Variants in AIG1 observed in about 807,000 individuals in gnomAD.
AIG1 encodes androgen induced 1, also known as androgen-induced gene 1 protein.
A neutral mutation model predicts 31.4 loss-of-function variants in AIG1; 23 were observed. The ratio of observed to expected loss-of-function variants is 0.73; its 90% CI spans 0.53 to 1.04. AIG1 has a LOEUF of 1.04. Among genes scored for constraint, AIG1 ranks in the 50% least tolerant of loss-of-function variants. AIG1 has a pLI of 0.00. For missense variants in AIG1, 274 were observed against 295.0 expected, an observed-to-expected ratio of 0.93 and a Z score of 0.52; for synonymous variants, 100 against 110.5, an observed-to-expected ratio of 0.90 and a Z score of 0.60.
intron 1 of AIG1, among the ~76,000 whole-genome samples, chr6:143,087,687 G>A (rs1161867017): frequency 6.6e-6 from 1 of 152,228 alleles, no homozygotes; most frequent in Non-Finnish European, 1.5e-5. Flanking sequence ...CATACAATGG[G>A]AGGGGACCCA....
At chr6:143,085,584 AAAC>A (rs1778693270) in intron 1 of AIG1, among the ~76,000 whole-genome samples, 1 of 152,188 alleles carries the variant, frequency 6.6e-6, no homozygotes, top group Non-Finnish European at 1.5e-5. Context: ...GCATTCCCAT[AAAC>A]AACAGTCCTT....
chr6:143,066,008 A>G lies in AIG1; in HGVS notation c.141+4942A>G, dbSNP rs181406892. Among the ~76,000 whole-genome samples the G allele has an allele frequency of 1.8e-3, 280 of 152,286 alleles. 7 individuals are homozygous for G. The highest frequency in any genetic ancestry group is 5.7e-4 in the Non-Finnish European group (39 of 68,020). ...CCTAGACTGGCTTTTCATTCATGTC[A>G]TGGCAGAATATTGTTCAGGCCCTGC... On this transcript the variant is annotated intron_variant, in intron 1 of 5. Coordinates refer to ENST00000357847, the MANE Select transcript of AIG1 (RefSeq NM_016108.4).
At chr6:143,301,583 C>G (rs935710005) in intron 4 of AIG1, among the ~76,000 whole-genome samples, 22 of 152,314 alleles carry the variant, frequency 1.4e-4, no homozygotes, top group Admixed American at 8.5e-4. Flanking sequence ...GAAGGGGAAG[C>G]AAATACGTCC....
intron 3 of AIG1, among the ~76,000 whole-genome samples, chr6:143,245,577 A>T (rs1368011704): frequency 6.6e-6 from 1 of 152,248 alleles, no homozygotes. Flanking sequence ...AGTCATACAG[A>T]ATGATAATTG....
intron 1 of AIG1, among the ~76,000 whole-genome samples, chr6:143,063,247 C>T (rs571451170): frequency 1.3e-5 from 2 of 152,160 alleles, no homozygotes; most frequent in Non-Finnish European, 2.9e-5. Context: ...AATCACCATA[C>T]AGGACTTTTT....
intron 3 of AIG1, among the ~76,000 whole-genome samples, chr6:143,218,912 G>A (rs1277076442): frequency 1.3e-5 from 2 of 152,142 alleles, no homozygotes; most frequent in African/African-American, 4.8e-5. Flanking sequence ...TTCAGAAATT[G>A]TTGCTTTAAT....
At chr6:143,234,618 A>G (rs1297551285) in intron 3 of AIG1, among the ~76,000 whole-genome samples, 12 of 152,126 alleles carry the variant, frequency 7.9e-5, no homozygotes, top group African/African-American at 2.7e-4. Flanking sequence ...AAAAGTACCC[A>G]TCCATCCAGT....
chr6:143,088,598 A>G (rs1779016909), intron 1 of AIG1, among the ~76,000 whole-genome samples: 2 of 152,216 alleles, frequency 1.3e-5, no homozygotes, highest in Non-Finnish European at 2.9e-5. Context: ...TTTGGTGCTC[A>G]TCCAGTGTGC....
intron 2 of AIG1, among the ~76,000 whole-genome samples, chr6:143,163,129 C>T (rs1786567863): frequency 6.6e-6 from 1 of 152,158 alleles, no homozygotes; most frequent in African/African-American, 2.4e-5. Context: ...CTTTGAATAG[C>T]AAGGCTGGAA....
Position 143,339,923 on chromosome 6 carries a change from C to G in AIG1, c.*247C>G. On this transcript the variant is annotated 3_prime_UTR_variant, in exon 6 of 6. Transcript: ENST00000357847. ...TCATTACTGATAATAACATTTTTTC[C>G]TTTTCTAGTTTTAAAACCAGAATTG... is the stretch of plus-strand genomic sequence containing the variant. 2.9e-6 allele frequency: 1 copy of G among 342,182 alleles called. No individual in the cohort carries two copies. The highest frequency in any genetic ancestry group is 5.2e-6 in the Non-Finnish European group (1 of 192,522). The allele number at this position is 342,182 out of a possible 1,614,324, so 21.2% of individuals were successfully genotyped here.
intron 4 of AIG1, among the ~76,000 whole-genome samples, chr6:143,301,991 G>C (rs566295371): frequency 2.7e-5 from 4 of 147,912 alleles, no homozygotes; most frequent in Admixed American, 2.7e-4. Context: ...TCTTATTCCA[G>C]GTTAATAACC....
intron 3 of AIG1, among the ~76,000 whole-genome samples, chr6:143,272,829 GAAAAT>G (rs148275467): frequency 0.11 from 16,258 of 152,212 alleles, 888 homozygotes; most frequent in African/African-American, 0.13. Flanking sequence ...GACTTCACCT[GAAAAT>G]AGTGGGAAGA....
In AIG1 at chr6:143,297,962, G is replaced by A. The variant is rs893507542; in HGVS notation, c.515+13737G>A. Among the ~76,000 whole-genome samples the A allele has an allele frequency of 6.6e-6, 1 of 151,480 alleles. No individual in the cohort carries two copies. Among genetic ancestry groups the A allele is most frequent in the South Asian group, 2.1e-4 (1 of 4,818 alleles). ...AGTCACCCATAAAGCTGAGAATTAC[G>A]TACAAAACTCTTACATAAATTAAAA... On this transcript the variant is annotated intron_variant, in intron 4 of 5. Transcript: ENST00000357847. The surrounding 1 kb of genome is among the most constrained non-coding windows in gnomAD (Gnocchi z 5.1).
intron 1 of AIG1, among the ~76,000 whole-genome samples, chr6:143,109,005 C>G (rs1781049618): frequency 6.6e-6 from 1 of 152,164 alleles, no homozygotes. Flanking sequence ...AAGGTAACCA[C>G]CATTCTGACC....
intron 1 of AIG1, chr6:143,061,602 T>C (rs1339373132): frequency 3.5e-6 from 1 of 288,570 alleles, no homozygotes; most frequent in Non-Finnish European, 7.0e-6. Context: ...TGCATCTGTT[T>C]TTTTCCCCCA....
At chr6:143,126,385 G>A (rs1167403592) in intron 1 of AIG1, 1 of 152,190 alleles carries the variant, frequency 6.6e-6, no homozygotes, top group Admixed American at 6.5e-5. Flanking sequence ...AGTGAAAACA[G>A]AGGCAAAGGA....
At chr6:143,068,400 A>C (rs570471435) in intron 1 of AIG1, among the ~76,000 whole-genome samples, 1 of 152,242 alleles carries the variant, frequency 6.6e-6, no homozygotes. Flanking sequence ...TAAAGGGCCC[A>C]TGCCTCACCT....
intron 1 of AIG1, among the ~76,000 whole-genome samples, chr6:143,082,753 G>A (rs542548359): frequency 1.3e-5 from 2 of 152,242 alleles, no homozygotes; most frequent in East Asian, 3.9e-4. Context: ...GGTATGCCAC[G>A]GGTTGCAAGC....
At chr6:143,199,205 A>G (rs1790501757) in intron 3 of AIG1, among the ~76,000 whole-genome samples, 1 of 152,224 alleles carries the variant, frequency 6.6e-6, no homozygotes, top group Admixed American at 6.5e-5. Context: ...AACAAAGACT[A>G]GATGTTAAAT....
Sources: gnomAD v4.1 joint callset for allele counts (sites outside exome capture counted in the v4.1 genomes callset) on GRCh38, gnomAD v4.1.1 for gene constraint, Gnocchi (gnomAD v3.1) non-coding constraint, MANE v1.5 for transcripts, NCBI Gene and HGNC (gene_info 2026-07-23, HGNC 2026-07-21) for gene names.